Variants in TENM3 observed in about 807,000 individuals in gnomAD.
The protein encoded by TENM3 is teneurin transmembrane protein 3.
Under a neutral mutation model 255.1 loss-of-function variants are expected in TENM3, and 63 were observed. The observed-to-expected ratio is 0.25, with a 90% confidence interval of 0.20 to 0.30. The LOEUF (loss-of-function observed/expected upper bound fraction) is 0.30, where lower values mean the gene tolerates loss of function less well. Ranked by LOEUF, TENM3 falls within the 10% of genes least tolerant of loss-of-function variation. TENM3 has a pLI of 1.00. For synonymous variants in TENM3, 1,306 were observed against 1,322.3 expected (o/e 0.99, Z 0.27); for missense variants, 2,929 against 3,461.1 (o/e 0.85, Z 3.86).
intron 2 of TENM3, among the ~76,000 whole-genome samples, chr4:182,333,783 G>T (rs1437163779): frequency 6.6e-6 from 1 of 152,096 alleles, no homozygotes. Context: ...CAGTACTTTT[G>T]TTAAAGATAT....
At chr4:182,544,183 A>G (rs1322466299) in intron 3 of TENM3, among the ~76,000 whole-genome samples, 2 of 152,146 alleles carry the variant, frequency 1.3e-5, no homozygotes, top group Non-Finnish European at 2.9e-5. Context: ...TTTTTAGTTG[A>G]TTGTGCAGAA....
the TENM3 span, among the ~76,000 whole-genome samples, chr4:181,560,872 G>A: frequency 1.3e-5 from 2 of 152,208 alleles, no homozygotes; most frequent in African/African-American, 2.4e-5. Flanking sequence ...GGAGGGCATG[G>A]CTCTAAAGCT....
At chr4:181,887,611 C>A in the TENM3 span, among the ~76,000 whole-genome samples, 2 of 152,126 alleles carry the variant, frequency 1.3e-5, no homozygotes, top group African/African-American at 4.8e-5. Context: ...AGGGCATTTG[C>A]CTTCTTCCGA....
chr4:181,645,725 A>T, the TENM3 span, among the ~76,000 whole-genome samples: 3 of 152,222 alleles, frequency 2.0e-5, no homozygotes, highest in African/African-American at 7.2e-5. Context: ...GTAATTTATC[A>T]TTTAAAGCAG....
rs182047857 is a variant in TENM3, at chr4:182,465,805, A to G, written c.511+118876A>G. On this transcript the variant is annotated intron_variant, in intron 3 of 27. Transcript: ENST00000511685. The stretch of plus-strand genomic sequence containing the variant: ...AGAAAGTAAAAGCAACAGTTTTTAT[A>G]ATACTGTAACTCATATAATTTAATA... Among the ~76,000 whole-genome samples, 26 of 152,324 alleles carry G rather than the reference A, an allele frequency of 1.7e-4. 1 individual carries two copies. The highest frequency in any genetic ancestry group is 1.4e-3 in the Admixed American group (22 of 15,302).
chr4:182,630,695 C>T (rs1161396622), intron 5 of TENM3, among the ~76,000 whole-genome samples: 1 of 151,908 alleles, frequency 6.6e-6, no homozygotes, highest in Admixed American at 6.6e-5. Flanking sequence ...GCACCTGCAC[C>T]CTGGAACTTA....
intron 13 of TENM3, among the ~76,000 whole-genome samples, chr4:182,722,617 G>A (rs1315155169): frequency 6.6e-6 from 1 of 152,206 alleles, no homozygotes; most frequent in African/African-American, 2.4e-5. Flanking sequence ...TATAAGCCAT[G>A]TTAAGGAGTT....
At chr4:181,753,645 A>T in the TENM3 span, among the ~76,000 whole-genome samples, 1 of 152,224 alleles carries the variant, frequency 6.6e-6, no homozygotes, top group African/African-American at 2.4e-5. Context: ...ATTATCAAAC[A>T]GACTTCCTTT....
chr4:182,481,354 T>C (rs1379790106), intron 3 of TENM3, among the ~76,000 whole-genome samples: 1 of 152,206 alleles, frequency 6.6e-6, no homozygotes, highest in Non-Finnish European at 1.5e-5. Context: ...ACCTTGACTT[T>C]TCTGAAATTC....
At chr4:182,639,292 T>C (rs559580542) in intron 5 of TENM3, among the ~76,000 whole-genome samples, 1 of 152,352 alleles carries the variant, frequency 6.6e-6, no homozygotes, top group Non-Finnish European at 1.5e-5. Flanking sequence ...TTAATAACTA[T>C]GTAATCTTGA....
chr4:181,469,668 A>G, the TENM3 span, among the ~76,000 whole-genome samples: 1 of 76,166 alleles, frequency 1.3e-5, no homozygotes, highest in East Asian at 2.6e-4. Context: ...CTAAATACCA[A>G]TTCCAGAAAA....
chr4:182,178,374 A>G (rs1752646845), intron 1 of TENM3, among the ~76,000 whole-genome samples: 1 of 152,158 alleles, frequency 6.6e-6, no homozygotes, highest in Non-Finnish European at 1.5e-5. Context: ...AGGCCAGTGA[A>G]AGATCATTAC....
the TENM3 span, among the ~76,000 whole-genome samples, chr4:181,993,488 TGCTGTGGCGAG>T: frequency 6.6e-6 from 1 of 152,228 alleles, no homozygotes; most frequent in Non-Finnish European, 1.5e-5. Flanking sequence ...TCGCTGTGTC[TGCTGTGGCGAG>T]GCATTTTTGT....
In TENM3 at chr4:182,750,222, TCTTA is replaced by T. The variant is rs137905817; in HGVS notation, c.3630-1574_3630-1571del. ...AATGACTTGCATCTTTCTGAGTTCA[TCTTA>T]CTTTTTACCATTTCACACACATTTA... On this transcript the variant is annotated intron_variant, in intron 19 of 27. Transcript: ENST00000511685. Among the ~76,000 whole-genome samples, 895 of 152,320 alleles carry T rather than the reference TCTTA, an allele frequency of 5.9e-3. 4 individuals carry two copies. Among genetic ancestry groups the T allele is most frequent in the Non-Finnish European group, 0.01 (708 of 68,024 alleles).
intron 2 of TENM3, among the ~76,000 whole-genome samples, chr4:182,331,274 G>A (rs1000936389): frequency 1.3e-5 from 2 of 152,016 alleles, no homozygotes; most frequent in African/African-American, 2.4e-5. Flanking sequence ...GGCCGGGTGC[G>A]GTGGCTTACA....
intron 1 of TENM3, among the ~76,000 whole-genome samples, chr4:182,274,955 G>C (rs899860450): frequency 1.3e-5 from 2 of 152,034 alleles, no homozygotes; most frequent in Non-Finnish European, 2.9e-5. Flanking sequence ...CTCCCGCATA[G>C]TTCAGATTAC....
At chr4:182,088,609 C>T in the TENM3 span, among the ~76,000 whole-genome samples, 4 of 151,920 alleles carry the variant, frequency 2.6e-5, no homozygotes, top group African/African-American at 4.8e-5. Context: ...CCGAGGCGGG[C>T]GGATCACGAG....
chr4:182,262,117 A>G (rs1758838473), intron 1 of TENM3, among the ~76,000 whole-genome samples: 1 of 152,238 alleles, frequency 6.6e-6, no homozygotes, highest in African/African-American at 2.4e-5. Flanking sequence ...TAAATAAGGA[A>G]GAACTGCATT....
chr4:182,562,997 T>C (rs1743366325), intron 3 of TENM3, among the ~76,000 whole-genome samples: 1 of 152,162 alleles, frequency 6.6e-6, no homozygotes, highest in African/African-American at 2.4e-5. Flanking sequence ...ACTTTTTTTT[T>C]CCTAAGGCAC....
Sources: allele counts gnomAD v4.1 joint callset (sites outside exome capture counted in the v4.1 genomes callset), GRCh38; gene constraint gnomAD v4.1.1; transcripts MANE v1.5; gene names NCBI Gene and HGNC (gene_info 2026-07-23, HGNC 2026-07-21).